PPP1R36: variants seen among roughly 807,000 people sequenced by gnomAD.
PPP1R36 encodes protein phosphatase 1 regulatory subunit 36.
PPP1R36 carries 47 observed loss-of-function variants against 53.4 expected under a neutral mutation model. The ratio of observed to expected loss-of-function variants is 0.88; its 90% confidence interval spans 0.70 to 1.12. The LOEUF is 1.12. Among genes scored for constraint, PPP1R36 ranks in the 50% most tolerant of loss-of-function variants. The pLI is 0.00. For missense variants in PPP1R36, 456 were observed against 513.9 expected (o/e 0.89, Z 1.09); for synonymous variants, 153 against 170.5 (o/e 0.90, Z 0.80).
intron 8 of PPP1R36, among the ~76,000 whole-genome samples, chr14:64,574,987 A>G (rs1298368216): frequency 6.6e-6 from 1 of 152,178 alleles, no homozygotes; most frequent in Admixed American, 6.5e-5. Flanking sequence ...AGCAGCAACA[A>G]TTGTGAGTAG....
In PPP1R36 at chr14:64,566,558, T is replaced by G. The variant is rs568105313; in HGVS notation, c.434+866T>G. On this transcript the variant is annotated intron_variant, in intron 6 of 11. Transcript: ENST00000298705. ...GACTCTGGGTAAGTTTCTTGACCTTTGTAAGCCTCAGTCTCCTCAGCTACA... is the reference window on the plus strand; with the variant it reads ...GACTCTGGGTAAGTTTCTTGACCTTGGTAAGCCTCAGTCTCCTCAGCTACA... 4.6e-5 allele frequency among the ~76,000 whole-genome samples: 7 copies of G among 152,344 alleles called. No homozygotes were observed. The South Asian group carries it at 1.2e-3, about 27-fold the overall frequency.
intron 3 of PPP1R36, among the ~76,000 whole-genome samples, chr14:64,557,992 G>GA (rs1475284718): frequency 7.3e-5 from 5 of 68,894 alleles, no homozygotes; most frequent in African/African-American, 2.0e-4. Context: ...CTGGGTGAAA[G>GA]AAAAAAAATA....
In PPP1R36 at chr14:64,568,467, G is replaced by T; in HGVS notation, c.533+20G>T. The T allele has an allele frequency of 8.6e-7, 1 of 1,167,588 alleles. No homozygotes were observed. The allele number at this position is 1,167,588 out of a possible 1,614,324, so 72.3% of individuals were successfully genotyped here. ...TATGGTGTAAGTAAGATTTTATAGT[G>T]TGCTTTAGAGTTTTATCACTGCCAG... On this transcript the variant is annotated intron_variant, in intron 7 of 11. Coordinates refer to ENST00000298705, the MANE Select transcript of PPP1R36 (RefSeq NM_172365.3).
intron 7 of PPP1R36, among the ~76,000 whole-genome samples, chr14:64,573,279 A>G (rs981099011): frequency 4.6e-5 from 7 of 152,240 alleles, no homozygotes; most frequent in Non-Finnish European, 7.3e-5. Flanking sequence ...TTGCAATTCA[A>G]TTGGAACTGC....
chr14:64,561,871 C>G, intron 3 of PPP1R36: 3 of 455,088 alleles, frequency 6.6e-6, no homozygotes, highest in Non-Finnish European at 1.3e-5. Context: ...GACATAAAAC[C>G]AAGGAAACCC....
chr14:64,572,966 G>T lies in PPP1R36; in HGVS notation c.534-1489G>T, dbSNP rs529395551. Among the ~76,000 whole-genome samples, 84 of 152,124 alleles carry T rather than the reference G, an allele frequency of 5.5e-4. 1 individual carries two copies. The highest frequency in any genetic ancestry group is 1.6e-3 in the Admixed American group (24 of 15,270). On this transcript the variant is annotated intron_variant, in intron 7 of 11. Coordinates refer to ENST00000298705, the MANE Select transcript of PPP1R36 (RefSeq NM_172365.3). Reference sequence around the variant, plus strand: ...ATCCTCCATGCCATGAGGGGAAGGGGGTGTATTAAGGATAATACAGTTTGT... The same window carrying T: ...ATCCTCCATGCCATGAGGGGAAGGGTGTGTATTAAGGATAATACAGTTTGT...
chr14:64,573,370 A>G (rs2080317689), intron 7 of PPP1R36, among the ~76,000 whole-genome samples: 2 of 152,180 alleles, frequency 1.3e-5, no homozygotes, highest in African/African-American at 4.8e-5. Context: ...CCTTCTTAGC[A>G]AACACAGCTA....
chr14:64,580,658 A>C (rs1047854513), intron 8 of PPP1R36, among the ~76,000 whole-genome samples: 1 of 152,192 alleles, frequency 6.6e-6, no homozygotes, highest in Non-Finnish European at 1.5e-5. Flanking sequence ...CGCAGATCTC[A>C]CCACCCACGT....
intron 3 of PPP1R36, among the ~76,000 whole-genome samples, chr14:64,561,100 A>C (rs957074954): frequency 6.6e-6 from 1 of 152,186 alleles, no homozygotes; most frequent in African/African-American, 2.4e-5. Context: ...TCTTGATCTC[A>C]GGGGCATCAA....
At chr14:64,561,864 A>T (rs1566650595) in intron 3 of PPP1R36, 2 of 455,230 alleles carry the variant, frequency 4.4e-6, no homozygotes, top group Admixed American at 2.4e-5. Context: ...CCCTGAGGAC[A>T]TAAAACCAAG....
chr14:64,574,367 A>T, intron 7 of PPP1R36, 88 bp from the exon 8 acceptor site: 3 of 1,348,698 alleles, frequency 2.2e-6, no homozygotes, highest in Non-Finnish European at 3.1e-6. Flanking sequence ...AGAAAAGAAG[A>T]AAAGTTTATA....
chr14:64,565,844 G>T, intron 6 of PPP1R36, 152 bp downstream of exon 6: 1 of 639,806 alleles, frequency 1.6e-6, no homozygotes, highest in Non-Finnish European at 2.7e-6. Flanking sequence ...CAAAGACTGC[G>T]ACCAAAGAGT....
chr14:64,578,118 C>T (rs2080358142), intron 8 of PPP1R36, among the ~76,000 whole-genome samples: 1 of 151,798 alleles, frequency 6.6e-6, no homozygotes, highest in Admixed American at 6.6e-5. Flanking sequence ...CCACGCCTGG[C>T]TAATTTTTTG....
chr14:64,587,266 G>T lies in PPP1R36; in HGVS notation c.784G>T (p.Glu262Ter), dbSNP rs1404068625. The part of the protein sequence containing the change: ...RRQHLTEIEE[E>*]VGRLFRTNMF... ...TCAACACTTGACAGAGATTGAAGAAGAAGTAGGGAGACTCTTTCGTACCAA... is the reference window on the plus strand; with the variant it reads ...TCAACACTTGACAGAGATTGAAGAATAAGTAGGGAGACTCTTTCGTACCAA... Residue 262 changes from glutamate (E) to a stop codon, truncating the protein, a stop_gained, in exon 10 of 12, where the codon GAA becomes TAA. Transcript: ENST00000298705. LOFTEE classifies it high-confidence loss of function. 9 of 1,613,490 alleles carry T rather than the reference G, an allele frequency of 5.6e-6. No individual in the cohort carries two copies. Among genetic ancestry groups the T allele is most frequent in the Non-Finnish European group, 6.8e-6 (8 of 1,179,562 alleles).
At chr14:64,566,660 G>A (rs527849391) in intron 6 of PPP1R36, among the ~76,000 whole-genome samples, 17 of 152,272 alleles carry the variant, frequency 1.1e-4, no homozygotes, top group African/African-American at 3.9e-4. Flanking sequence ...CCTCAGCACC[G>A]CGAACGCTCA....
intron 3 of PPP1R36, among the ~76,000 whole-genome samples, chr14:64,556,762 A>ATGTGTGTGTGTGTGTG (rs369620598): frequency 0.017 from 2,313 of 133,972 alleles, 51 homozygotes; most frequent in East Asian, 0.062. Context: ...TCTCCAAAAA[A>ATGTGTGTGTGTGTGTG]TGTGTGTGTG....
At chr14:64,559,323 A>ACC (rs1304861097) in intron 3 of PPP1R36, 1 of 51,322 alleles carries the variant, frequency 1.9e-5, no homozygotes, top group Non-Finnish European at 4.2e-5. Context: ...GTGGAACCGA[A>ACC]CTCTTTCCCT....
rs769187994 is a variant in PPP1R36 at position 64,589,353 on chromosome 14, T to C, written c.*15T>C. The C allele has an allele frequency of 3.9e-6, 6 of 1,554,582 alleles. No individual in the cohort carries two copies. Among genetic ancestry groups the C allele is most frequent in the South Asian group, 3.6e-5 (3 of 84,142 alleles). On this transcript the variant is annotated 3_prime_UTR_variant, in exon 12 of 12. Transcript: ENST00000298705. ...GCCCTAAGTAACCTGGTACATTCCA[T>C]ATCTCAAGTAAACTACTTTGACTTT...
intron 7 of PPP1R36, among the ~76,000 whole-genome samples, chr14:64,571,325 C>G (rs935161490): frequency 6.6e-6 from 1 of 152,050 alleles, no homozygotes; most frequent in Non-Finnish European, 1.5e-5. Context: ...TAGAGTTTCA[C>G]CATGTTGGCC....
Sources: gnomAD v4.1 joint callset for allele counts (sites outside exome capture counted in the v4.1 genomes callset) on GRCh38, gnomAD v4.1.1 for gene constraint, MANE v1.5 for transcripts, NCBI Gene and HGNC (gene_info 2026-07-23, HGNC 2026-07-21) for gene names.